Variants in BCL2L14 observed in about 807,000 individuals in gnomAD.
The protein encoded by BCL2L14 is BCL2 like 14.
Under a neutral mutation model 35.3 loss-of-function variants are expected in BCL2L14, and 27 were observed. That is an observed-to-expected ratio of 0.76 (90% CI 0.56 to 1.05). The LOEUF (loss-of-function observed/expected upper bound fraction) is 1.05, where lower values mean the gene tolerates loss of function less well. BCL2L14 is among the 50% of genes least tolerant of loss of function. BCL2L14 has a pLI of 0.00. For missense variants in BCL2L14, 377 were observed against 382.6 expected, an observed-to-expected ratio of 0.99 and a Z score of 0.12; for synonymous variants, 139 against 145.9, an observed-to-expected ratio of 0.95 and a Z score of 0.34.
At chr12:12,088,468 T>C (rs1241288209) in intron 3 of BCL2L14, among the ~76,000 whole-genome samples, 1 of 152,160 alleles carries the variant, frequency 6.6e-6, no homozygotes, top group Non-Finnish European at 1.5e-5. Context: ...GCGGCCGCCA[T>C]GTTGGACATG....
intron 1 of BCL2L14, among the ~76,000 whole-genome samples, chr12:12,073,591 T>C (rs573407248): frequency 2.0e-5 from 3 of 150,686 alleles, no homozygotes; most frequent in Admixed American, 2.0e-4. Flanking sequence ...CACACAAACA[T>C]GCATGCACGC....
intron 2 of BCL2L14, among the ~76,000 whole-genome samples, chr12:12,083,681 A>G (rs1332463756): frequency 6.6e-6 from 1 of 152,204 alleles, no homozygotes; most frequent in Non-Finnish European, 1.5e-5. Context: ...AGGGTGGCTC[A>G]TGCCTATAAT....
At position 12,094,719 on chromosome 12, in the gene BCL2L14, T is replaced by C. The variant is rs1194254097; in HGVS notation, c.734T>C (p.Val245Ala). Residue 245 changes from valine (V) to alanine (A), a missense_variant, in exon 5 of 6, where the codon GTT becomes GCT. Val to Ala is a moderately conservative substitution (Grantham distance 64). Coordinates refer to ENST00000308721, the MANE Select transcript of BCL2L14 (RefSeq NM_138723.2). Reference sequence around the variant, plus strand: ...TTCCAGGATGGGCTGTCCTACTCTGTTTTCAAGACCATCACAGACCAGGTC... The same window carrying C: ...TTCCAGGATGGGCTGTCCTACTCTGCTTTCAAGACCATCACAGACCAGGTC... ...GHFQDGLSYS[V>A]FKTITDQVLM... The C allele has an allele frequency of 6.2e-7, 1 of 1,614,124 alleles. No homozygotes were observed. Among genetic ancestry groups the C allele is most frequent in the African/African-American group, 1.3e-5 (1 of 75,028 alleles).
At chr12:12,096,895 G>A (rs1301128207) in intron 5 of BCL2L14, among the ~76,000 whole-genome samples, 4 of 152,248 alleles carry the variant, frequency 2.6e-5, no homozygotes, top group Non-Finnish European at 4.4e-5. Context: ...TGTAATCCCA[G>A]CACTTTGGGA....
intron 2 of BCL2L14, among the ~76,000 whole-genome samples, chr12:12,065,364 T>C (rs1306233092): frequency 2.6e-5 from 4 of 152,014 alleles, no homozygotes; most frequent in Admixed American, 6.6e-5. Flanking sequence ...GGAGAAACCC[T>C]GTCTCTACTA....
At chr12:12,080,702 T>C (rs1780706645) in intron 2 of BCL2L14, among the ~76,000 whole-genome samples, 1 of 151,852 alleles carries the variant, frequency 6.6e-6, no homozygotes, top group Non-Finnish European at 1.5e-5. Flanking sequence ...AGTCAACTCA[T>C]TCGCTCAGGG....
chr12:12,097,537 A>G (rs1475416242), intron 5 of BCL2L14, among the ~76,000 whole-genome samples: 1 of 152,220 alleles, frequency 6.6e-6, no homozygotes, highest in African/African-American at 2.4e-5. Context: ...AGGGTGAGAG[A>G]ATGGGAATAA....
Position 12,099,243 on chromosome 12 carries a change from G to A in BCL2L14, c.*255G>A. The A allele has an allele frequency of 4.1e-6, 2 of 493,772 alleles. No homozygotes were observed. Among genetic ancestry groups the A allele is most frequent in the Non-Finnish European group, 7.3e-6 (2 of 274,384 alleles). 30.6% of individuals were successfully genotyped at this position (493,772 alleles called of 1,614,324 possible). A position where few individuals can be genotyped will look rare whatever the true frequency, so the allele number is the denominator to read the frequency against. Reference sequence around the variant, plus strand: ...AACCTGAGGAAATCTGTAAAGATAAGTGGTGATGTTGTTTCAAACGTTCAG... The same window carrying A: ...AACCTGAGGAAATCTGTAAAGATAAATGGTGATGTTGTTTCAAACGTTCAG... On this transcript the variant is annotated 3_prime_UTR_variant, in exon 6 of 6. Transcript: ENST00000308721.
At chr12:12,089,572 C>T (rs1949130331) in intron 3 of BCL2L14, among the ~76,000 whole-genome samples, 1 of 151,816 alleles carries the variant, frequency 6.6e-6, no homozygotes, top group Admixed American at 6.6e-5. Flanking sequence ...GTGGCACACA[C>T]CTGTAGTCCC....
intron 2 of BCL2L14, among the ~76,000 whole-genome samples, chr12:12,061,866 G>A (rs935165075): frequency 1.3e-5 from 2 of 152,146 alleles, no homozygotes; most frequent in East Asian, 1.9e-4. Context: ...GATCGTGTCC[G>A]ATTAATCTCC....
At chr12:12,053,352 G>T (rs1948385587) in intron 2 of BCL2L14, among the ~76,000 whole-genome samples, 1 of 152,056 alleles carries the variant, frequency 6.6e-6, no homozygotes, top group Non-Finnish European at 1.5e-5. Flanking sequence ...CAAGGGCAGG[G>T]CTGAACTCAG....
chr12:12,076,347 T>C (rs1948781342), intron 1 of BCL2L14, among the ~76,000 whole-genome samples: 1 of 111,028 alleles, frequency 9.0e-6, no homozygotes. Flanking sequence ...GTAAGTGAAA[T>C]GCATGTAAGT....
rs146586582 is a variant in BCL2L14 at position 12,051,436 on chromosome 12, A to T, written c.-323-360A>T. 3.0e-3 allele frequency among the ~76,000 whole-genome samples: 459 copies of T among 152,216 alleles called. 6 individuals are homozygous for T. Among genetic ancestry groups the T allele is most frequent in the African/African-American group, 0.01 (431 of 41,534 alleles). On this transcript the variant is annotated intron_variant, in intron 1 of 3. Transcript: ENST00000461264. ...AGGGTTCCCCTCTACTCCACTCCTG[A>T]CAGTGGCCATCCTGCCTCTGCTTGA...
chr12:12,065,792 C>CT (rs1487537206), intron 2 of BCL2L14, among the ~76,000 whole-genome samples: 10 of 148,838 alleles, frequency 6.7e-5, no homozygotes, highest in African/African-American at 2.5e-4. Context: ...CTCTTTGTTT[C>CT]TATTTTTTTT....
intron 2 of BCL2L14, among the ~76,000 whole-genome samples, chr12:12,063,696 G>A (rs887777449): frequency 6.6e-6 from 1 of 152,124 alleles, no homozygotes; most frequent in Admixed American, 6.5e-5. Context: ...AGGCCTCTGA[G>A]CCCAAGCTAA....
chr12:12,090,639 T>C (rs796115000), intron 3 of BCL2L14, 140 bp from the exon 4 acceptor site: 1 of 544,490 alleles, frequency 1.8e-6, no homozygotes, highest in South Asian at 2.6e-5. Flanking sequence ...GTCTAAAAAA[T>C]AAAAAATAAA....
chr12:12,066,186 C>A (rs1948592177), upstream of BCL2L14, among the ~76,000 whole-genome samples: 1 of 152,132 alleles, frequency 6.6e-6, no homozygotes, highest in African/African-American at 2.4e-5. Context: ...CATGTTGACC[C>A]CTTCACAGAT....
rs574070293 is a variant in BCL2L14, at chr12:12,051,949, G to A, written c.-272+102G>A. 132 of 152,294 alleles carry A rather than the reference G, an allele frequency of 8.7e-4. 1 individual carries two copies. Among genetic ancestry groups the A allele is most frequent in the African/African-American group, 2.8e-3 (117 of 41,560 alleles). The allele number at this position is 152,294 out of a possible 1,614,324, so 9.4% of individuals were successfully genotyped here. ...ATCTGGAAAGGTTCTAAGAAGAAGT[G>A]GAATTGAGTTGGAGTTGGAAAGACT... On this transcript the variant is annotated intron_variant, in intron 2 of 3. Coordinates refer to the BCL2L14 transcript ENST00000461264.
chr12:12,090,540 T>C (rs901078257), intron 3 of BCL2L14, among the ~76,000 whole-genome samples: 1 of 151,482 alleles, frequency 6.6e-6, no homozygotes, highest in African/African-American at 2.4e-5. Context: ...GACTGAGGCA[T>C]GAGAATCTCT....
Sources: allele counts gnomAD v4.1 joint callset (sites outside exome capture counted in the v4.1 genomes callset), GRCh38; gene constraint gnomAD v4.1.1; transcripts MANE v1.5; gene names NCBI Gene and HGNC (gene_info 2026-07-23, HGNC 2026-07-21).